CDKAL1: variants seen among roughly 807,000 people sequenced by gnomAD.
CDKAL1 encodes the protein threonylcarbamoyladenosine tRNA methylthiotransferase.
In CDKAL1, 32 loss-of-function variants were observed where a neutral mutation model predicts 68.2. That is an observed-to-expected ratio of 0.47 (90% CI 0.35 to 0.63). The LOEUF is 0.63. CDKAL1 is among the 30% of genes least tolerant of loss of function. The pLI is 0.00. For missense variants in CDKAL1, 606 were observed against 696.7 expected (o/e 0.87, Z 1.47); for synonymous variants, 234 against 244.3 (o/e 0.96, Z 0.39).
chr6:21,127,106 GC>G (rs1360429363), intron 13 of CDKAL1, among the ~76,000 whole-genome samples: 1 of 152,156 alleles, frequency 6.6e-6, no homozygotes, highest in African/African-American at 2.4e-5. Context: ...TCAGAATTGG[GC>G]CAGGGTGTTA....
At chr6:20,853,348 T>A (rs1243888685) in intron 9 of CDKAL1, among the ~76,000 whole-genome samples, 1 of 146,106 alleles carries the variant, frequency 6.8e-6, no homozygotes, top group South Asian at 2.2e-4. Flanking sequence ...GCCACTGCAC[T>A]CCAGCCTGGG....
chr6:20,649,413 T>A, intron 5 of CDKAL1, 36 bp downstream of exon 5: 1 of 1,188,322 alleles, frequency 8.4e-7, no homozygotes, highest in Non-Finnish European at 1.2e-6. Context: ...TTTTGTATAA[T>A]CAAAGTAAGA....
chr6:21,136,196 C>T (rs1775586195), intron 13 of CDKAL1, among the ~76,000 whole-genome samples: 1 of 152,150 alleles, frequency 6.6e-6, no homozygotes, highest in African/African-American at 2.4e-5. Flanking sequence ...ATGCTTATAC[C>T]TAGTGTCATA....
intron 13 of CDKAL1, among the ~76,000 whole-genome samples, chr6:21,164,207 A>T (rs1379245289): frequency 6.6e-6 from 1 of 152,060 alleles, no homozygotes; most frequent in Non-Finnish European, 1.5e-5. Flanking sequence ...TTTTGAAATG[A>T]TTTATTGTGA....
intron 13 of CDKAL1, among the ~76,000 whole-genome samples, chr6:21,126,165 A>G (rs894854325): frequency 6.6e-6 from 1 of 152,220 alleles, no homozygotes; most frequent in Admixed American, 6.5e-5. Context: ...CAGTATTTCC[A>G]TATTTCATAT....
intron 10 of CDKAL1, among the ~76,000 whole-genome samples, chr6:20,994,167 T>C (rs9368262): frequency 0.19 from 29,570 of 152,220 alleles, 3,053 homozygotes; most frequent in Admixed American, 0.27. Context: ...CCTTCACTTG[T>C]AAATTACTTT....
chr6:20,697,820 C>T (rs1226719399), intron 5 of CDKAL1, among the ~76,000 whole-genome samples: 3 of 152,202 alleles, frequency 2.0e-5, no homozygotes, highest in Admixed American at 2.0e-4. Flanking sequence ...CATTCTGCTA[C>T]ACAAAGATGC....
At chr6:20,651,192 A>G (rs948710986) in intron 5 of CDKAL1, among the ~76,000 whole-genome samples, 1 of 152,134 alleles carries the variant, frequency 6.6e-6, no homozygotes. Flanking sequence ...ATGAGCATGG[A>G]ATGTTTTACC....
At chr6:20,626,334 C>G (rs1177463228) in intron 4 of CDKAL1, among the ~76,000 whole-genome samples, 1 of 152,092 alleles carries the variant, frequency 6.6e-6, no homozygotes, top group East Asian at 1.9e-4. Flanking sequence ...TTCACTAAAA[C>G]CTTGATCCTC....
chr6:20,914,416 C>T (rs532280323), intron 9 of CDKAL1, among the ~76,000 whole-genome samples: 27 of 152,168 alleles, frequency 1.8e-4, no homozygotes, highest in African/African-American at 4.8e-4. Context: ...AATCTCTTAC[C>T]GAGTTTTATG....
chr6:20,808,590 G>A (rs1776668884), intron 8 of CDKAL1, among the ~76,000 whole-genome samples: 3 of 152,018 alleles, frequency 2.0e-5, no homozygotes, highest in African/African-American at 2.4e-5. Context: ...GTGGGACAAA[G>A]ATAAGTTAGT....
At chr6:21,126,464 G>A (rs1322127489) in intron 13 of CDKAL1, among the ~76,000 whole-genome samples, 2 of 152,084 alleles carry the variant, frequency 1.3e-5, no homozygotes, top group African/African-American at 2.4e-5. Flanking sequence ...CTTTATTATC[G>A]TTACCCATTC....
chr6:21,016,517 T>A (rs968173314), intron 11 of CDKAL1, among the ~76,000 whole-genome samples: 4 of 152,074 alleles, frequency 2.6e-5, no homozygotes, highest in Admixed American at 2.0e-4. Flanking sequence ...GCAGGCAGTC[T>A]TTCATCCATA....
At chr6:20,970,928 A>G (rs1222839457) in intron 10 of CDKAL1, among the ~76,000 whole-genome samples, 2 of 152,162 alleles carry the variant, frequency 1.3e-5, no homozygotes. Flanking sequence ...AGCTCACTGC[A>G]ACCTCTGCCT....
chr6:21,012,457 C>G (rs969244345), intron 11 of CDKAL1, among the ~76,000 whole-genome samples: 2 of 152,114 alleles, frequency 1.3e-5, no homozygotes, highest in African/African-American at 4.8e-5. Flanking sequence ...GATGCTCTGT[C>G]CTTTTCAGGA....
At chr6:21,096,450 A>C (rs747661680) in intron 12 of CDKAL1, among the ~76,000 whole-genome samples, 5 of 152,220 alleles carry the variant, frequency 3.3e-5, no homozygotes, top group Non-Finnish European at 5.9e-5. Context: ...GATTCAGTAA[A>C]GGCACATTAC....
At chr6:21,204,071 A>G (rs1003139605) in intron 15 of CDKAL1, among the ~76,000 whole-genome samples, 6 of 152,206 alleles carry the variant, frequency 3.9e-5, no homozygotes, top group Admixed American at 1.3e-4. Context: ...TTTTTCCTGA[A>G]GAAAAACTGT....
At chr6:20,895,347 G>A (rs941757019) in intron 9 of CDKAL1, among the ~76,000 whole-genome samples, 8 of 152,178 alleles carry the variant, frequency 5.3e-5, no homozygotes, top group Non-Finnish European at 1.2e-4. Flanking sequence ...ACATGTGAGA[G>A]TTACTTCAGG....
At chr6:20,691,177 T>C (rs574721742) in intron 5 of CDKAL1, among the ~76,000 whole-genome samples, 2 of 152,300 alleles carry the variant, frequency 1.3e-5, no homozygotes, top group African/African-American at 2.4e-5. Flanking sequence ...TTCATTGTCC[T>C]GTCTCTTGCC....
Sources: allele counts gnomAD v4.1 joint callset (sites outside exome capture counted in the v4.1 genomes callset), GRCh38; gene constraint gnomAD v4.1.1; transcripts MANE v1.5; gene names NCBI Gene and HGNC (gene_info 2026-07-23, HGNC 2026-07-21).